The following NR3C2 variants were observed in gnomAD, a reference collection of about 807,000 sequenced individuals.
The protein encoded by NR3C2 is nuclear receptor subfamily 3 group C member 2.
In NR3C2, 15 loss-of-function variants were observed where a neutral mutation model predicts 86.4. The ratio of observed to expected loss-of-function variants is 0.17; its 90% CI spans 0.12 to 0.27. The LOEUF (loss-of-function observed/expected upper bound fraction) is 0.27, where lower values mean the gene tolerates loss of function less well. Among genes scored for constraint, NR3C2 ranks in the 10% least tolerant of loss-of-function variants. The probability of loss-of-function intolerance (pLI) is 1.00; values close to 1 mark genes in which losing one functional copy is unlikely to be tolerated. For missense variants in NR3C2, 960 were observed against 1,195.6 expected, an observed-to-expected ratio of 0.80 and a Z score of 2.91; for synonymous variants, 458 against 450.5, an observed-to-expected ratio of 1.02 and a Z score of -0.21.
intron 2 of NR3C2, among the ~76,000 whole-genome samples, chr4:148,304,099 T>A (rs1180697782): frequency 6.6e-6 from 1 of 151,944 alleles, no homozygotes; most frequent in African/African-American, 2.4e-5. Flanking sequence ...TCATTTTCAG[T>A]CTGTACCCCT....
intron 8 of NR3C2, among the ~76,000 whole-genome samples, chr4:148,110,815 A>G (rs1451425343): frequency 1.3e-5 from 2 of 152,228 alleles, no homozygotes; most frequent in African/African-American, 2.4e-5. Context: ...ATTTGAAACA[A>G]CCAAAAGTTC....
intron 3 of NR3C2, among the ~76,000 whole-genome samples, chr4:148,196,799 T>C (rs1736461570): frequency 6.6e-6 from 1 of 152,210 alleles, no homozygotes; most frequent in South Asian, 2.1e-4. Flanking sequence ...TTTCTAAAAA[T>C]GGAAGGCTCT....
At position 148,094,093 on chromosome 4, in the gene NR3C2, T is replaced by C. The variant is rs76268676; in HGVS notation, c.2800-12594A>G. On this transcript the variant is annotated intron_variant, in intron 8 of 8. Transcript: ENST00000358102. ...CTTTACAAGATACAAGAAGAGATGC[T>C]TGACATCTCCAGTCATCAGAGAAAT... Among the ~76,000 whole-genome samples, 1,425 of 152,280 alleles carry C rather than the reference T, an allele frequency of 9.4e-3. 33 individuals carry two copies. Among genetic ancestry groups the C allele is most frequent in the Admixed American group, 0.05 (762 of 15,278 alleles).
chr4:148,188,595 G>A (rs999697794), intron 4 of NR3C2, among the ~76,000 whole-genome samples: 11 of 152,124 alleles, frequency 7.2e-5, no homozygotes, highest in Admixed American at 3.3e-4. Context: ...ATCCGGAGAC[G>A]TTGCTGAATT....
chr4:148,134,242 A>C (rs1180295971), intron 6 of NR3C2, among the ~76,000 whole-genome samples: 1 of 152,192 alleles, frequency 6.6e-6, no homozygotes, highest in Non-Finnish European at 1.5e-5. Flanking sequence ...TGCATCATTC[A>C]TTACCGGGTG....
intron 2 of NR3C2, among the ~76,000 whole-genome samples, chr4:148,348,160 C>T (rs1019261800): frequency 1.3e-5 from 2 of 152,076 alleles, no homozygotes; most frequent in African/African-American, 4.8e-5. Context: ...ATGCAATGCT[C>T]ATCTCAGAGC....
intron 8 of NR3C2, among the ~76,000 whole-genome samples, chr4:148,104,999 T>G (rs1013228564): frequency 1.3e-5 from 2 of 152,186 alleles, no homozygotes; most frequent in Non-Finnish European, 2.9e-5. Flanking sequence ...GAGTGGGCTA[T>G]CCAAGTAAAT....
At chr4:148,339,589 C>T (rs1744654823) in intron 2 of NR3C2, among the ~76,000 whole-genome samples, 2 of 151,970 alleles carry the variant, frequency 1.3e-5, no homozygotes, top group South Asian at 4.2e-4. Context: ...ACTTAAAATG[C>T]ATAATGAACT....
chr4:148,266,022 C>T (rs1040587857), intron 2 of NR3C2, among the ~76,000 whole-genome samples: 3 of 149,072 alleles, frequency 2.0e-5, no homozygotes, highest in Non-Finnish European at 3.0e-5. Context: ...TGAGATTGGA[C>T]GGGGAGGGTG....
chr4:148,218,963 T>C (rs1193588168), intron 3 of NR3C2, among the ~76,000 whole-genome samples: 2 of 152,230 alleles, frequency 1.3e-5, no homozygotes, highest in Non-Finnish European at 2.9e-5. Flanking sequence ...TTCATTTTTC[T>C]TGGGTAGATA....
intron 8 of NR3C2, among the ~76,000 whole-genome samples, chr4:148,102,385 T>C (rs1246692638): frequency 6.6e-6 from 1 of 152,146 alleles, no homozygotes; most frequent in Admixed American, 6.5e-5. Context: ...TGCTATTTCC[T>C]CCAGAATGTC....
At chr4:148,297,424 T>A (rs915998386) in intron 2 of NR3C2, among the ~76,000 whole-genome samples, 2 of 152,230 alleles carry the variant, frequency 1.3e-5, no homozygotes, top group Admixed American at 1.3e-4. Context: ...TCATCACATT[T>A]GAATCAACCA....
chr4:148,411,956 G>C (rs972044034), intron 2 of NR3C2, among the ~76,000 whole-genome samples: 1 of 152,186 alleles, frequency 6.6e-6, no homozygotes, highest in Admixed American at 6.5e-5. Flanking sequence ...ATTTTAGGGA[G>C]ACAGCATCAA....
intron 2 of NR3C2, among the ~76,000 whole-genome samples, chr4:148,296,585 A>T (rs1024541046): frequency 3.1e-5 from 4 of 127,660 alleles, no homozygotes; most frequent in African/African-American, 8.0e-5. Context: ...CTGACCAATT[A>T]AAAAAAAAAA....
chr4:148,347,699 G>A (rs561776912), intron 2 of NR3C2, among the ~76,000 whole-genome samples: 3 of 152,080 alleles, frequency 2.0e-5, no homozygotes, highest in Non-Finnish European at 4.4e-5. Flanking sequence ...ATGCCCCGAT[G>A]GGGCTACAGC....
chr4:148,252,467 A>C (rs1036671781), intron 3 of NR3C2, among the ~76,000 whole-genome samples: 4 of 152,220 alleles, frequency 2.6e-5, no homozygotes, highest in African/African-American at 9.6e-5. Context: ...GGGAGACAGA[A>C]CTAAGTATTT....
intron 3 of NR3C2, among the ~76,000 whole-genome samples, chr4:148,218,899 A>C (rs12642178): frequency 6.6e-6 from 1 of 151,936 alleles, no homozygotes; most frequent in Non-Finnish European, 1.5e-5. Context: ...TTGGCATCTG[A>C]TTGTTCCCAA....
upstream of NR3C2, chr4:148,444,766 C>T (rs1171503854): frequency 6.1e-6 from 6 of 984,718 alleles, no homozygotes; most frequent in African/African-American, 1.8e-5. Flanking sequence ...ACGCGGGCAC[C>T]CGCCCGCCCC....
chr4:148,444,917 C>A, upstream of NR3C2: 1 of 985,064 alleles, frequency 1.0e-6, no homozygotes, highest in Non-Finnish European at 1.2e-6. Context: ...CTCTCCGCGC[C>A]CCCTCCCCGG....
Sources: allele counts gnomAD v4.1 joint callset (sites outside exome capture counted in the v4.1 genomes callset), GRCh38; gene constraint gnomAD v4.1.1; transcripts MANE v1.5; gene names NCBI Gene and HGNC (gene_info 2026-07-23, HGNC 2026-07-21).